The following FNTB variants were observed in gnomAD, a reference collection of about 807,000 sequenced individuals.
FNTB encodes the protein protein farnesyltransferase subunit beta.
Under a neutral mutation model 59.4 loss-of-function variants are expected in FNTB, and 27 were observed. The ratio of observed to expected loss-of-function variants is 0.45; its 90% CI spans 0.34 to 0.63. The LOEUF is 0.63. Among genes scored for constraint, FNTB ranks in the 20% least tolerant of loss-of-function variants. The pLI is 0.02. For synonymous variants in FNTB, 230 were observed against 220.7 expected (o/e 1.04, Z -0.37); for missense variants, 449 against 559.6 (o/e 0.80, Z 1.99).
intron 4 of FNTB, among the ~76,000 whole-genome samples, chr14:65,024,326 G>T (rs1442201924): frequency 7.1e-6 from 1 of 140,476 alleles, no homozygotes; most frequent in Non-Finnish European, 1.6e-5. Context: ...TTGGGTGTTG[G>T]GATTTTTTTA....
At position 64,994,157 on chromosome 14, in the gene FNTB, G is replaced by C. The variant is rs1260555873; in HGVS notation, c.144+7060G>C. 6.6e-6 allele frequency among the ~76,000 whole-genome samples: 1 copy of C among 152,120 alleles called. No homozygotes were observed. The highest frequency in any genetic ancestry group is 1.5e-5 in the Non-Finnish European group (1 of 68,016). On this transcript the variant is annotated intron_variant, in intron 1 of 11. Transcript: ENST00000246166. This position sits in a 1 kb window ranked among gnomAD's most constrained non-coding sequence, Gnocchi z 4.2. The stretch of plus-strand genomic sequence containing the variant: ...GGCGTGAGGTACCATGCCTGGCCTA[G>C]TGATTGGATTTCTATTGATTAAATG...
intron 10 of FNTB, among the ~76,000 whole-genome samples, 153 bp downstream of exon 10, chr14:65,053,502 G>C (rs2062657852): frequency 6.6e-6 from 1 of 152,078 alleles, no homozygotes; most frequent in Non-Finnish European, 1.5e-5. Context: ...GCACCCAGTT[G>C]GGAGCACCCC....
intron 1 of FNTB, among the ~76,000 whole-genome samples, chr14:64,989,061 T>G (rs1244789795): frequency 6.6e-6 from 1 of 151,984 alleles, no homozygotes; most frequent in Non-Finnish European, 1.5e-5. Context: ...GTAACAACCT[T>G]GTTAGGAGGA....
chr14:65,030,127 C>T lies in FNTB; in HGVS notation c.605+2346C>T, dbSNP rs1036309946. On this transcript the variant is annotated intron_variant, in intron 6 of 11. Transcript: ENST00000246166. The surrounding 1 kb of genome is among the most constrained non-coding windows in gnomAD (Gnocchi z 4.5). ...TCTTAGTCCTCACACTTGTGAGAGG[C>T]AAACTGTATTATAGGTCGCCTCCTA... is the stretch of plus-strand genomic sequence containing the variant. 1.3e-5 allele frequency among the ~76,000 whole-genome samples: 2 copies of T among 152,194 alleles called. No individual in the cohort carries two copies. The highest frequency in any genetic ancestry group is 4.8e-5 in the African/African-American group (2 of 41,442).
intron 1 of FNTB, chr14:65,003,733 T>C (rs1461429000): frequency 6.6e-6 from 1 of 152,190 alleles, no homozygotes; most frequent in East Asian, 1.9e-4. Context: ...CCATTGATAA[T>C]AGTTTCCTCT....
chr14:65,000,797 C>T (rs973557690), intron 1 of FNTB, among the ~76,000 whole-genome samples: 1 of 89,908 alleles, frequency 1.1e-5, no homozygotes, highest in African/African-American at 3.8e-5. Flanking sequence ...TCCAGCCTGG[C>T]AGAGCCAGAC....
intron 3 of FNTB, chr14:65,015,410 CT>C (rs888923691): frequency 0.25 from 38,248 of 155,366 alleles, 3,190 homozygotes; most frequent in Non-Finnish European, 0.27. Flanking sequence ...GCCTTGTTAT[CT>C]TTTTTTTTTT....
chr14:65,051,761 T>A (rs991225712), intron 9 of FNTB, among the ~76,000 whole-genome samples: 3 of 152,176 alleles, frequency 2.0e-5, no homozygotes, highest in African/African-American at 7.2e-5. Context: ...GGAAAGGTTA[T>A]TGATACCATA....
At chr14:65,058,314 T>C (rs932089077) in intron 11 of FNTB, among the ~76,000 whole-genome samples, 2 of 152,146 alleles carry the variant, frequency 1.3e-5, no homozygotes, top group African/African-American at 4.8e-5. Flanking sequence ...CTCTTGTGAC[T>C]GGAATCTTTT....
At chr14:65,004,125 T>C in intron 1 of FNTB, 124 bp from the exon 2 acceptor site, 1 of 976,590 alleles carries the variant, frequency 1.0e-6, no homozygotes, top group South Asian at 1.6e-5. Flanking sequence ...CTTACAGTAC[T>C]GTGAAGTTCC....
At chr14:65,051,896 G>A (rs913383830) in intron 9 of FNTB, among the ~76,000 whole-genome samples, 5 of 150,906 alleles carry the variant, frequency 3.3e-5, no homozygotes, top group East Asian at 2.0e-4. Flanking sequence ...CTGGGTTCAC[G>A]CCATTCTCCT....
rs1888580060 is a variant in FNTB, at chr14:65,001,004, G to T, written c.145-3245G>T. ...AGATAATGGATGAGGCAGCTAGGGA[G>T]GAATGAAATGCCTTTAAACAACTGC... is the stretch of plus-strand genomic sequence containing the variant. On this transcript the variant is annotated intron_variant, in intron 1 of 11. Coordinates refer to ENST00000246166, the MANE Select transcript of FNTB (RefSeq NM_002028.4). The surrounding 1 kb of genome is among the most constrained non-coding windows in gnomAD (Gnocchi z 5.5). Among the ~76,000 whole-genome samples, 1 of 152,040 alleles carries T rather than the reference G, an allele frequency of 6.6e-6. No individual in the cohort carries two copies. Among genetic ancestry groups the T allele is most frequent in the Non-Finnish European group, 1.5e-5 (1 of 68,012 alleles).
chr14:65,010,845 C>T (rs1202226262), intron 2 of FNTB, among the ~76,000 whole-genome samples: 1 of 152,190 alleles, frequency 6.6e-6, no homozygotes, highest in African/African-American at 2.4e-5. Flanking sequence ...ACCTGTCACT[C>T]CTCTTGTACA....
At position 65,010,408 on chromosome 14, in the gene FNTB, C is replaced by T. The variant is rs571138195; in HGVS notation, c.210-1909C>T. 2.0e-3 allele frequency among the ~76,000 whole-genome samples: 301 copies of T among 152,294 alleles called. 2 individuals carry two copies. The highest frequency in any genetic ancestry group is 6.9e-3 in the African/African-American group (286 of 41,558). ...CTCTCCTGAGCCTCACGTGTGTGTCCAGCAGCCTGATTGACATCATCACCT... is the reference window on the plus strand; with the variant it reads ...CTCTCCTGAGCCTCACGTGTGTGTCTAGCAGCCTGATTGACATCATCACCT... On this transcript the variant is annotated intron_variant, in intron 2 of 11. Coordinates refer to ENST00000246166, the MANE Select transcript of FNTB (RefSeq NM_002028.4).
intron 11 of FNTB, among the ~76,000 whole-genome samples, chr14:65,057,560 G>C (rs1207917187): frequency 1.3e-5 from 2 of 152,090 alleles, no homozygotes; most frequent in Non-Finnish European, 2.9e-5. Flanking sequence ...ATTTTTTGAG[G>C]GAAGCAGACA....
At chr14:65,052,198 A>G (rs1430998963) in intron 9 of FNTB, among the ~76,000 whole-genome samples, 1 of 152,188 alleles carries the variant, frequency 6.6e-6, no homozygotes, top group African/African-American at 2.4e-5. Flanking sequence ...CTATATGGCT[A>G]TTCACAGTGA....
At chr14:65,016,019 C>G (rs1305912196) in intron 4 of FNTB, among the ~76,000 whole-genome samples, 1 of 152,182 alleles carries the variant, frequency 6.6e-6, no homozygotes, top group Non-Finnish European at 1.5e-5. Flanking sequence ...CTCTGAGAGA[C>G]AAGATTTTGC....
At position 65,015,677 on chromosome 14, in the gene FNTB, A is replaced by C; in HGVS notation, c.335A>C (p.Glu112Ala). The C allele has an allele frequency of 6.2e-7, 1 of 1,614,098 alleles. No homozygotes were observed. Among genetic ancestry groups the C allele is most frequent in the Non-Finnish European group, 8.5e-7 (1 of 1,180,000 alleles). The change falls in exon 4 of 12, where the codon GAA becomes GCA. Residue 112 changes from glutamate (E) to alanine (A), a missense_variant. Glu to Ala is a moderately radical substitution (Grantham distance 107). This residue lies in a region of FNTB where 337 missense variants were observed against 479.1 expected (regional missense o/e 0.70). Transcript: ENST00000246166. ...TGCTATTGGATCCTGCACAGCTTGG[A>C]ACTGCTAGATGAACCCATCCCCCAG... ...WLCYWILHSL[E>A]LLDEPIPQIV...
chr14:64,987,995 C>T (rs1440975316), intron 1 of FNTB, among the ~76,000 whole-genome samples: 1 of 152,196 alleles, frequency 6.6e-6, no homozygotes, highest in African/African-American at 2.4e-5. Flanking sequence ...AATAAGATCT[C>T]TTAGTGAGAT....
Sources: allele counts gnomAD v4.1 joint callset (sites outside exome capture counted in the v4.1 genomes callset), GRCh38; gene constraint gnomAD v4.1.1; regional missense constraint gnomAD v4.1.1; non-coding constraint Gnocchi (gnomAD v3.1); transcripts MANE v1.5; gene names NCBI Gene and HGNC (gene_info 2026-07-23, HGNC 2026-07-21).